Variants in MAGI2 observed in about 807,000 individuals in gnomAD.
MAGI2 encodes membrane-associated guanylate kinase, WW and PDZ domain-containing protein 2.
A neutral mutation model predicts 133.3 loss-of-function variants in MAGI2; 35 were observed. The observed-to-expected ratio is 0.26, with a 90% CI of 0.20 to 0.35. The LOEUF is 0.35. MAGI2 is among the 10% of genes least tolerant of loss of function. The pLI is 1.00. For missense variants in MAGI2, 1,636 were observed against 1,863.4 expected (o/e 0.88, Z 2.25); for synonymous variants, 729 against 710.6 (o/e 1.03, Z -0.41).
chr7:78,188,278 T>G (rs998446057), intron 12 of MAGI2, among the ~76,000 whole-genome samples: 2 of 152,204 alleles, frequency 1.3e-5, no homozygotes, highest in Non-Finnish European at 2.9e-5. Flanking sequence ...AATCTACATA[T>G]TAAAATGGCA....
At chr7:79,158,625 T>C (rs1824052199) in intron 1 of MAGI2, among the ~76,000 whole-genome samples, 1 of 152,084 alleles carries the variant, frequency 6.6e-6, no homozygotes, top group Non-Finnish European at 1.5e-5. Flanking sequence ...TATTGTTGGC[T>C]TAATGAAAAT....
intron 2 of MAGI2, among the ~76,000 whole-genome samples, chr7:78,718,592 T>C (rs146773812): frequency 1.3e-5 from 2 of 151,544 alleles, no homozygotes; most frequent in African/African-American, 2.4e-5. Flanking sequence ...TGATGATGTG[T>C]CACTGTCCCC....
intron 1 of MAGI2, among the ~76,000 whole-genome samples, chr7:79,386,383 A>G (rs1025222520): frequency 5.9e-5 from 9 of 152,114 alleles, no homozygotes; most frequent in African/African-American, 1.9e-4. Context: ...TAACAGTTAT[A>G]TATGAAATTT....
At chr7:78,953,378 C>T (rs1802027926) in intron 2 of MAGI2, among the ~76,000 whole-genome samples, 1 of 152,042 alleles carries the variant, frequency 6.6e-6, no homozygotes, top group African/African-American at 2.4e-5. Flanking sequence ...AGTGTTGCTC[C>T]AGAATGGATA....
chr7:78,925,127 T>C (rs1232906671), intron 2 of MAGI2, among the ~76,000 whole-genome samples: 2 of 152,030 alleles, frequency 1.3e-5, no homozygotes, highest in Non-Finnish European at 2.9e-5. Context: ...AATTTAGCTG[T>C]GCTCCCTTTT....
rs1792149210 is a variant in MAGI2, at chr7:78,356,972, A to G, written c.1104-10929T>C. Among the ~76,000 whole-genome samples, 4 of 152,302 alleles carry G rather than the reference A, an allele frequency of 2.6e-5. No individual in the cohort carries two copies. The South Asian group carries it at 8.3e-4, about 32-fold the overall frequency. ...TCACTATCTTTGAGAAATTCCCCTA[A>G]TGTTTCTGAACTGCAACTGCCTCAT... is the stretch of plus-strand genomic sequence containing the variant. On this transcript the variant is annotated intron_variant, in intron 7 of 21. Transcript: ENST00000354212.
At chr7:79,296,161 T>C (rs1836913808) in intron 1 of MAGI2, among the ~76,000 whole-genome samples, 1 of 152,222 alleles carries the variant, frequency 6.6e-6, no homozygotes, top group Admixed American at 6.5e-5. Flanking sequence ...CTCTTGTCTC[T>C]GTAGATTTTC....
intron 1 of MAGI2, among the ~76,000 whole-genome samples, chr7:79,026,297 G>A (rs1809876558): frequency 6.6e-6 from 1 of 152,228 alleles, no homozygotes; most frequent in Admixed American, 6.5e-5. Context: ...TTTGAAGGAT[G>A]CAGTCTTAAG....
chr7:78,320,515 C>G (rs915559747), intron 9 of MAGI2, among the ~76,000 whole-genome samples: 2 of 152,100 alleles, frequency 1.3e-5, no homozygotes, highest in Non-Finnish European at 2.9e-5. Context: ...GAACCAATGA[C>G]AAAAAACACA....
intron 1 of MAGI2, among the ~76,000 whole-genome samples, chr7:79,388,400 A>G (rs2129148499): frequency 1.3e-5 from 2 of 152,038 alleles, no homozygotes; most frequent in South Asian, 4.1e-4. Context: ...TACTTAGAAA[A>G]CTGTTAACTG....
intron 9 of MAGI2, among the ~76,000 whole-genome samples, chr7:78,296,113 A>AGAGT (rs1797208351): frequency 6.6e-6 from 1 of 152,160 alleles, no homozygotes; most frequent in Non-Finnish European, 1.5e-5. Flanking sequence ...CTTGCCCCAG[A>AGAGT]GAGTCCATTG....
intron 1 of MAGI2, among the ~76,000 whole-genome samples, chr7:79,322,100 C>T (rs1435288198): frequency 2.0e-5 from 3 of 152,040 alleles, no homozygotes; most frequent in Non-Finnish European, 4.4e-5. Context: ...AAATTAAAGG[C>T]ATAGAAGCAT....
chr7:78,330,758 A>G (rs977450840), intron 9 of MAGI2, among the ~76,000 whole-genome samples: 2 of 152,126 alleles, frequency 1.3e-5, no homozygotes, highest in Non-Finnish European at 2.9e-5. Context: ...TTTGATCTCA[A>G]TGAACTTATT....
intron 3 of MAGI2, among the ~76,000 whole-genome samples, chr7:78,535,283 C>T (rs904804010): frequency 1.6e-4 from 24 of 152,278 alleles, no homozygotes; most frequent in African/African-American, 5.5e-4. Context: ...TAGGAAAACA[C>T]TCAGGCTAGA....
At chr7:79,241,489 A>G (rs1199669024) in intron 1 of MAGI2, among the ~76,000 whole-genome samples, 1 of 152,080 alleles carries the variant, frequency 6.6e-6, no homozygotes, top group African/African-American at 2.4e-5. Context: ...TAAGGCAAGG[A>G]TGATAATAGT....
intron 2 of MAGI2, among the ~76,000 whole-genome samples, chr7:78,751,209 ATTG>A (rs1585288539): frequency 1.3e-5 from 2 of 152,322 alleles, no homozygotes; most frequent in South Asian, 4.1e-4. Flanking sequence ...TCAAGGCATC[ATTG>A]TTGTTCTAAT....
At chr7:79,191,921 A>T (rs1827709180) in intron 1 of MAGI2, among the ~76,000 whole-genome samples, 1 of 151,648 alleles carries the variant, frequency 6.6e-6, no homozygotes, top group African/African-American at 2.4e-5. Context: ...CTTGAATGGA[A>T]CTCTTTGGGA....
At chr7:78,173,896 A>AT (rs1469846572) in intron 14 of MAGI2, among the ~76,000 whole-genome samples, 1 of 152,196 alleles carries the variant, frequency 6.6e-6, no homozygotes, top group African/African-American at 2.4e-5. Context: ...GGCAAGCTCA[A>AT]TGTTGCTAAA....
intron 6 of MAGI2, among the ~76,000 whole-genome samples, chr7:78,432,581 T>A (rs1031271144): frequency 1.1e-4 from 16 of 152,218 alleles, no homozygotes; most frequent in African/African-American, 3.8e-4. Context: ...AACATATTAG[T>A]ATTTTGTATC....
Sources: allele counts gnomAD v4.1 joint callset (sites outside exome capture counted in the v4.1 genomes callset), GRCh38; gene constraint gnomAD v4.1.1; transcripts MANE v1.5; gene names NCBI Gene and HGNC (gene_info 2026-07-23, HGNC 2026-07-21).